PLXDC2: variants seen among roughly 807,000 people sequenced by gnomAD.
PLXDC2 encodes the protein plexin domain containing 2.
PLXDC2 carries 40 observed loss-of-function variants against 68.9 expected under a neutral mutation model. That is an observed-to-expected ratio of 0.58 (90% CI 0.45 to 0.76). PLXDC2 has a LOEUF of 0.76. PLXDC2 is among the 30% of genes least tolerant of loss of function. The pLI, the probability that PLXDC2 is intolerant of heterozygous loss-of-function variation, is 0.00. For synonymous variants in PLXDC2, 243 were observed against 234.2 expected, an observed-to-expected ratio of 1.04 and a Z score of -0.34; for missense variants, 644 against 661.9, an observed-to-expected ratio of 0.97 and a Z score of 0.30.
chr10:19,851,137 G>A lies in PLXDC2; in HGVS notation c.112+33946G>A, dbSNP rs566100750. On this transcript the variant is annotated intron_variant, in intron 1 of 13. Coordinates refer to ENST00000377252, the MANE Select transcript of PLXDC2 (RefSeq NM_032812.9). ...ATGTCTTCACAGTGCTATGGTTTTG[G>A]ACATAGATGGGGAACAATTATTCTT... 1.8e-3 allele frequency among the ~76,000 whole-genome samples: 268 copies of A among 152,064 alleles called. 1 individual carries two copies. Among genetic ancestry groups the A allele is most frequent in the Non-Finnish European group, 3.4e-3 (230 of 68,014 alleles).
intron 13 of PLXDC2, among the ~76,000 whole-genome samples, chr10:20,275,018 C>A (rs1835987926): frequency 6.6e-6 from 1 of 151,838 alleles, no homozygotes; most frequent in Non-Finnish European, 1.5e-5. Context: ...ATATTCAACA[C>A]AAAATAAGGA....
At chr10:20,222,832 T>A (rs1835231498) in intron 12 of PLXDC2, among the ~76,000 whole-genome samples, 1 of 151,938 alleles carries the variant, frequency 6.6e-6, no homozygotes, top group Admixed American at 6.6e-5. Context: ...TAAAAAAAAA[T>A]TAAATAAAAA....
intron 1 of PLXDC2, among the ~76,000 whole-genome samples, chr10:19,985,021 T>C (rs1834613240): frequency 6.6e-6 from 1 of 152,380 alleles, no homozygotes; most frequent in Admixed American, 6.5e-5. Context: ...GAAATGTTAT[T>C]TGTTCATTCA....
chr10:19,837,353 TGC>T (rs1450334052), intron 1 of PLXDC2, among the ~76,000 whole-genome samples: 2 of 151,928 alleles, frequency 1.3e-5, no homozygotes, highest in African/African-American at 4.8e-5. Context: ...TCTTAGTAAT[TGC>T]AACATTGCTC....
At chr10:19,836,772 C>T (rs554578349) in intron 1 of PLXDC2, among the ~76,000 whole-genome samples, 52 of 152,304 alleles carry the variant, frequency 3.4e-4, no homozygotes, top group African/African-American at 1.2e-3. Flanking sequence ...GCAATCCTGA[C>T]TCCATTGTTC....
intron 1 of PLXDC2, among the ~76,000 whole-genome samples, chr10:19,882,762 C>T (rs1369280797): frequency 6.6e-6 from 1 of 152,018 alleles, no homozygotes; most frequent in African/African-American, 2.4e-5. Context: ...CAATATTGCC[C>T]AACATTCTGA....
At chr10:19,875,209 A>C (rs1309667466) in intron 1 of PLXDC2, among the ~76,000 whole-genome samples, 4 of 152,170 alleles carry the variant, frequency 2.6e-5, no homozygotes, top group Admixed American at 2.6e-4. Flanking sequence ...TATGCCATTT[A>C]GTTTTTCGGT....
At position 20,147,871 on chromosome 10, in the gene PLXDC2, T is replaced by A. The variant is rs1380740477; in HGVS notation, c.752T>A (p.Met251Lys). Reference sequence around the variant, plus strand: ...TTCACATTCCAGGCAACCCTGCTCATGGATGGACGAATCATCTTTGGATAC... The same window carrying A: ...TTCACATTCCAGGCAACCCTGCTCAAGGATGGACGAATCATCTTTGGATAC... ...GSFTFQATLL[M>K]DGRIIFGYKE... The change falls in exon 6 of 14, where the codon ATG becomes AAG. Residue 251 changes from methionine to lysine, a missense_variant. Physicochemically the swap from Met to Lys is moderately conservative, Grantham distance 95. This residue lies in a region of PLXDC2 where 113 missense variants were observed against 167.1 expected (regional missense o/e 0.68). Coordinates refer to ENST00000377252, the MANE Select transcript of PLXDC2 (RefSeq NM_032812.9). 2 of 1,610,014 alleles carry A rather than the reference T, an allele frequency of 1.2e-6. No homozygotes were observed. Among genetic ancestry groups the A allele is most frequent in the South Asian group, 1.1e-5 (1 of 90,980 alleles).
intron 1 of PLXDC2, among the ~76,000 whole-genome samples, chr10:19,882,279 A>T (rs560747168): frequency 1.3e-5 from 2 of 152,222 alleles, no homozygotes; most frequent in Non-Finnish European, 2.9e-5. Context: ...ATAAACATCA[A>T]TGCATTATTA....
intron 9 of PLXDC2, among the ~76,000 whole-genome samples, chr10:20,210,553 A>G (rs185244435): frequency 2.9e-4 from 44 of 152,264 alleles, no homozygotes; most frequent in South Asian, 1.4e-3. Flanking sequence ...AATTAACACA[A>G]TGCTTGCTAA....
At chr10:19,951,897 A>G (rs1464098402) in intron 1 of PLXDC2, among the ~76,000 whole-genome samples, 2 of 152,208 alleles carry the variant, frequency 1.3e-5, no homozygotes, top group Non-Finnish European at 2.9e-5. Context: ...ATACAGGAAC[A>G]GATAACCAAA....
At chr10:20,019,312 T>A (rs1835263500) in intron 2 of PLXDC2, among the ~76,000 whole-genome samples, 1 of 152,144 alleles carries the variant, frequency 6.6e-6, no homozygotes. Flanking sequence ...AGTAACTGGG[T>A]CCAGTGTAGA....
chr10:20,001,750 C>A, intron 1 of PLXDC2, 25 bp from the exon 2 acceptor site: 1 of 1,605,746 alleles, frequency 6.2e-7, no homozygotes, highest in Non-Finnish European at 8.5e-7. Context: ...TGAGTGGTAA[C>A]CCATTTTCTT....
intron 6 of PLXDC2, among the ~76,000 whole-genome samples, chr10:20,152,832 A>G (rs1834168519): frequency 6.6e-6 from 1 of 152,182 alleles, no homozygotes; most frequent in South Asian, 2.1e-4. Flanking sequence ...TTAAAATAAA[A>G]TATTGGACAT....
At chr10:20,117,979 T>C (rs1379260857) in intron 4 of PLXDC2, among the ~76,000 whole-genome samples, 1 of 152,296 alleles carries the variant, frequency 6.6e-6, no homozygotes, top group Non-Finnish European at 1.5e-5. Context: ...ATATGTGTTT[T>C]GTATTGATGT....
intron 2 of PLXDC2, among the ~76,000 whole-genome samples, chr10:20,030,408 A>T (rs1463192754): frequency 6.6e-6 from 1 of 152,232 alleles, no homozygotes; most frequent in Non-Finnish European, 1.5e-5. Context: ...AAGAGGCTGT[A>T]CAGCTTCTTC....
At chr10:19,915,612 C>T (rs1221131530) in intron 1 of PLXDC2, among the ~76,000 whole-genome samples, 10 of 152,220 alleles carry the variant, frequency 6.6e-5, no homozygotes, top group East Asian at 5.8e-4. Context: ...AATTTTCTCT[C>T]TCTGAAGAAC....
At position 20,046,996 on chromosome 10, in the gene PLXDC2, A is replaced by G. The variant is rs748339875; in HGVS notation, c.452A>G (p.Asn151Ser). 8.1e-6 allele frequency: 13 copies of G among 1,604,606 alleles called. No homozygotes were observed. The highest frequency in any genetic ancestry group is 1.3e-5 in the African/African-American group (1 of 74,602). ...GTGAAGATTCATGGAATATTGTCCA[A>G]TACTCATCGGCAAGCTGCAGTAAGT... is the stretch of plus-strand genomic sequence containing the variant. The part of the protein sequence containing the change: ...DKVKIHGILS[N>S]THRQAARVNL... The change falls in exon 3 of 14, where the codon AAT becomes AGT. Residue 151 changes from asparagine to serine, a missense_variant. Transcript: ENST00000377252.
At chr10:20,250,271 C>A (rs867015504) in intron 13 of PLXDC2, among the ~76,000 whole-genome samples, 738 of 107,924 alleles carry the variant, frequency 6.8e-3, no homozygotes, top group East Asian at 0.011. Context: ...GATCCTGTTT[C>A]AAAAAAAAAA....
Sources: gnomAD v4.1 joint callset for allele counts (sites outside exome capture counted in the v4.1 genomes callset) on GRCh38, gnomAD v4.1.1 for gene constraint, gnomAD v4.1.1 regional missense constraint, MANE v1.5 for transcripts, NCBI Gene and HGNC (gene_info 2026-07-23, HGNC 2026-07-21) for gene names.